MTA2: variants seen among roughly 807,000 people sequenced by gnomAD.
The protein encoded by MTA2 is metastasis associated 1 family member 2.
MTA2 carries 22 observed loss-of-function variants against 87.1 expected under a neutral mutation model. The ratio of observed to expected loss-of-function variants is 0.25; its 90% CI spans 0.18 to 0.36. MTA2 has a LOEUF of 0.36. MTA2 is among the 10% of genes least tolerant of loss of function. The pLI, the probability that MTA2 is intolerant of heterozygous loss-of-function variation, is 1.00. For missense variants in MTA2, 542 were observed against 853.2 expected (o/e 0.64, Z 4.54); for synonymous variants, 314 against 310.1 (o/e 1.01, Z -0.13).
chr11:62,594,551 G>A lies in MTA2; in HGVS notation c.1657C>T (p.Leu553=), dbSNP rs1186641020. The change falls in exon 16 of 18, where the codon CTG becomes TTG. Residue 553 remains leucine, a synonymous_variant. Transcript: ENST00000278823. The part of the protein sequence containing the change: ...NRNQLSQNRG[L]GGIMVKRAYE... ...GCCCGTTTCACCATAATGCCCCCCA[G>A]TCCCCGGTTCTGGGACAGCTGGTTT... The A allele has an allele frequency of 3.1e-6, 5 of 1,613,808 alleles. No individual in the cohort carries two copies. Among genetic ancestry groups the A allele is most frequent in the Non-Finnish European group, 4.2e-6 (5 of 1,180,018 alleles).
chr11:62,601,095 C>A, intron 1 of MTA2: 1 of 508,826 alleles, frequency 2.0e-6, no homozygotes, highest in Non-Finnish European at 3.4e-6. Context: ...GGTGGCAAAG[C>A]CGTCGCCCCA....
In MTA2 at chr11:62,595,762, C is replaced by T. The variant is rs766343194; in HGVS notation, c.1244G>A (p.Arg415Gln). The change falls in exon 13 of 18, where the codon CGG becomes CAG. Residue 415 changes from arginine (R) to glutamine (Q), a missense_variant. Arg to Gln is a conservative substitution (Grantham distance 43, BLOSUM62 1). Transcript: ENST00000278823. The surrounding 1 kb of genome is among the most constrained non-coding windows in gnomAD (Gnocchi z 4.9). ...CCCACTGATCCTTACCGTGGTGCCC[C>T]GAGTGGCCCCCTCAAGCTGAGTTGG... ...KTPTQLEGAT[R>Q]GTTEPHSRGH... The T allele has an allele frequency of 1.2e-6, 2 of 1,614,130 alleles. No individual in the cohort carries two copies. The highest frequency in any genetic ancestry group is 1.7e-5 in the Admixed American group (1 of 60,018).
At position 62,595,239 on chromosome 11, in the gene MTA2, C is replaced by CA; in HGVS notation, c.1483+24dup. The CA allele has an allele frequency of 6.2e-7, 1 of 1,606,906 alleles. No homozygotes were observed. Among genetic ancestry groups the CA allele is most frequent in the Non-Finnish European group, 8.5e-7 (1 of 1,173,832 alleles). ...GGCAGAGCAATCCGAAACCCACCACCAGTCCCACCACTCCCTGCCCTTACA... is the reference window on the plus strand; with the variant it reads ...GGCAGAGCAATCCGAAACCCACCACCAAGTCCCACCACTCCCTGCCCTTACA... On this transcript the variant is annotated intron_variant, in intron 14 of 17. Coordinates refer to ENST00000278823, the MANE Select transcript of MTA2 (RefSeq NM_004739.4). The surrounding 1 kb of genome is among the most constrained non-coding windows in gnomAD (Gnocchi z 4.9).
At chr11:62,598,816 C>G (rs1364806158) in intron 3 of MTA2, among the ~76,000 whole-genome samples, 177 bp from the exon 4 acceptor site, 2 of 152,208 alleles carry the variant, frequency 1.3e-5, no homozygotes, top group African/African-American at 4.8e-5. Context: ...TATGCCCCAT[C>G]ATAGATGCTC....
intron 3 of MTA2, 141 bp downstream of exon 3, chr11:62,600,025 G>T (rs1565046033): frequency 5.9e-6 from 4 of 677,166 alleles, no homozygotes; most frequent in Non-Finnish European, 1.0e-5. Flanking sequence ...GTAAAAACAG[G>T]CCTCCCTCCT....
In MTA2 at chr11:62,596,538, G is replaced by A. The variant is rs201332108; in HGVS notation, c.883-6C>T. The A allele has an allele frequency of 1.2e-6, 2 of 1,613,936 alleles. No individual in the cohort carries two copies. The highest frequency in any genetic ancestry group is 1.7e-6 in the Non-Finnish European group (2 of 1,179,956). ...GCAAGTGACTTCCAGGGTAGCTAAG[G>A]GGGGCAGAGGGAGGAAGAATGAGCT... On this transcript the variant is annotated splice_region_variant and splice_polypyrimidine_tract_variant and intron_variant, in intron 9 of 17. Transcript: ENST00000278823.
chr11:62,601,295 GT>G, intron 1 of MTA2, 127 bp downstream of exon 1: 1 of 1,220,732 alleles, frequency 8.2e-7, no homozygotes. Flanking sequence ...CCCGGTTCCG[GT>G]TCCGGTCCGC....
Position 62,593,796 on chromosome 11 carries a change from A to T in MTA2, c.*79T>A, listed in dbSNP as rs904960959. On this transcript the variant is annotated 3_prime_UTR_variant, in exon 18 of 18. Coordinates refer to ENST00000278823, the MANE Select transcript of MTA2 (RefSeq NM_004739.4). ...CTTAATTCACTCCTCACTCCCTTCG[A>T]CACGAAAGGGAAGGGAGGTTTGGGT... 20 of 1,552,448 alleles carry T rather than the reference A, an allele frequency of 1.3e-5. No individual in the cohort carries two copies. The highest frequency in any genetic ancestry group is 2.7e-5 in the African/African-American group (2 of 73,474).
At chr11:62,597,967 A>G (rs1942122045) in intron 6 of MTA2, 57 bp downstream of exon 6, 8 of 1,450,894 alleles carry the variant, frequency 5.5e-6, no homozygotes, top group Non-Finnish European at 7.8e-6. Flanking sequence ...TATAATGTTA[A>G]AGTGCCCCTT....
At chr11:62,596,871 C>G (rs922977346) in intron 8 of MTA2, 46 bp from the exon 9 acceptor site, 2 of 1,552,544 alleles carry the variant, frequency 1.3e-6, no homozygotes, top group African/African-American at 2.7e-5. Flanking sequence ...ACTTTTGGCA[C>G]CACTCCCTTC....
intron 15 of MTA2, 41 bp downstream of exon 15, chr11:62,594,940 C>G: frequency 6.4e-7 from 1 of 1,570,296 alleles, no homozygotes; most frequent in South Asian, 1.1e-5. Context: ...AGGGAAAGGA[C>G]TGGGAGCCTG....
At position 62,595,236 on chromosome 11, in the gene MTA2, C is replaced by G; in HGVS notation, c.1483+28G>C. On this transcript the variant is annotated intron_variant, in intron 14 of 17. Transcript: ENST00000278823. The surrounding 1 kb of genome is among the most constrained non-coding windows in gnomAD (Gnocchi z 4.9). ...CTGGGCAGAGCAATCCGAAACCCAC[C>G]ACCAGTCCCACCACTCCCTGCCCTT... The G allele has an allele frequency of 1.2e-6, 2 of 1,605,800 alleles. No homozygotes were observed. The highest frequency in any genetic ancestry group is 2.2e-5 in the South Asian group (2 of 90,824).
chr11:62,601,175 G>C (rs988050964), intron 1 of MTA2: 15 of 549,846 alleles, frequency 2.7e-5, no homozygotes, highest in Non-Finnish European at 4.8e-5. Flanking sequence ...CCGTGCCCCG[G>C]GGAGCCCCTG....
chr11:62,600,571 C>T (rs1222184599), intron 2 of MTA2, 51 bp downstream of exon 2: 12 of 1,541,652 alleles, frequency 7.8e-6, no homozygotes, highest in Non-Finnish European at 1.1e-5. Flanking sequence ...AGTTAGAAAC[C>T]TCAGAAGAGA....
At position 62,595,725 on chromosome 11, in the gene MTA2, CCT is replaced by C. The variant is rs1199082474; in HGVS notation, c.1254+25_1254+26del. On this transcript the variant is annotated intron_variant, in intron 13 of 17. Coordinates refer to ENST00000278823, the MANE Select transcript of MTA2 (RefSeq NM_004739.4). This position sits in a 1 kb window ranked among gnomAD's most constrained non-coding sequence, Gnocchi z 4.9. ...ACCATCAATATGCTTACTGCTCTCC[CCT>C]GCTTTTCTTCCCACTGATCCTTACC... 1 of 1,612,978 alleles carries C rather than the reference CCT, an allele frequency of 6.2e-7. No individual in the cohort carries two copies. The highest frequency in any genetic ancestry group is 1.3e-5 in the African/African-American group (1 of 75,028).
intron 7 of MTA2, 52 bp from the exon 8 acceptor site, chr11:62,597,467 T>G (rs1942115346): frequency 6.4e-7 from 1 of 1,566,172 alleles, no homozygotes; most frequent in African/African-American, 1.4e-5. Flanking sequence ...AAAGCCCAAG[T>G]GGGCTGGGAA....
rs748335784 is a variant in MTA2 at position 62,593,900 on chromosome 11, T to C, written c.1982A>G (p.Asn661Ser). The C allele has an allele frequency of 3.5e-5, 57 of 1,613,962 alleles. No homozygotes were observed. The highest frequency in any genetic ancestry group is 4.5e-5 in the East Asian group (2 of 44,892). Residue 661 changes from asparagine to serine, a missense_variant, in exon 18 of 18, where the codon AAT (asparagine) becomes AGT (serine). By Grantham distance (46) the Asn-to-Ser change is conservative. Transcript: ENST00000278823. ...LPAPSHPAST[N>S]EPIVLED ...TCAGTCCTCCAGGACAATAGGCTCA[T>C]TGGTGCTGGCAGGATGTGAGGGTGC...
Position 62,600,779 on chromosome 11 carries a change from G to A in MTA2, c.29-90C>T, listed in dbSNP as rs889621232. 1.1e-5 allele frequency: 12 copies of A among 1,086,464 alleles called. 1 individual carries two copies. Among genetic ancestry groups the A allele is most frequent in the South Asian group, 2.8e-5 (2 of 71,810 alleles). The allele number at this position is 1,086,464 out of a possible 1,614,324, so 67.3% of individuals were successfully genotyped here. ...GGTAGGAGAGAAAGTTGGCCTGAGT[G>A]GATCAAAAGGAGATAAGGATTCAGG... On this transcript the variant is annotated intron_variant, in intron 1 of 17. Coordinates refer to ENST00000278823, the MANE Select transcript of MTA2 (RefSeq NM_004739.4).
At chr11:62,596,164 T>A (rs2134323888) in intron 11 of MTA2, 57 bp from the exon 12 acceptor site, 14 of 1,602,854 alleles carry the variant, frequency 8.7e-6, no homozygotes, top group Non-Finnish European at 1.2e-5. Flanking sequence ...AGGAAAAGAA[T>A]CAATTTCCAC....
Sources: gnomAD v4.1 joint callset for allele counts (sites outside exome capture counted in the v4.1 genomes callset) on GRCh38, gnomAD v4.1.1 for gene constraint, Gnocchi (gnomAD v3.1) non-coding constraint, MANE v1.5 for transcripts, NCBI Gene and HGNC (gene_info 2026-07-23, HGNC 2026-07-21) for gene names.